The following COMMD1 variants were observed in gnomAD, a reference collection of about 807,000 sequenced individuals.
COMMD1 encodes the protein copper metabolism domain containing 1, also known as COMM domain-containing protein 1.
In COMMD1, 10 loss-of-function variants were observed where a neutral mutation model predicts 17.2. The ratio of observed to expected loss-of-function variants is 0.58; its 90% CI spans 0.36 to 0.99. COMMD1 has a LOEUF of 0.99. Among genes scored for constraint, COMMD1 ranks in the 50% least tolerant of loss-of-function variants. The pLI is 0.01. For synonymous variants in COMMD1, 97 were observed against 91.6 expected (o/e 1.06, Z -0.34); for missense variants, 270 against 231.8 (o/e 1.17, Z -1.07).
At chr2:61,997,918 T>C (rs900111851) in intron 1 of COMMD1, among the ~76,000 whole-genome samples, 2 of 152,258 alleles carry the variant, frequency 1.3e-5, no homozygotes, top group Non-Finnish European at 2.9e-5. Context: ...TTCATCTATA[T>C]TGAAAACCTT....
chr2:61,944,546 C>T (rs1213185546), intron 1 of COMMD1, among the ~76,000 whole-genome samples: 4 of 152,110 alleles, frequency 2.6e-5, no homozygotes, highest in Non-Finnish European at 5.9e-5. Flanking sequence ...CTTAGCTAAA[C>T]CAGCTAAGAC....
In COMMD1 at chr2:62,002,491, G is replaced by GAAAA. The variant is rs11310507; in HGVS notation, c.462+1539_462+1542dup. On this transcript the variant is annotated intron_variant, in intron 2 of 2. Coordinates refer to ENST00000311832, the MANE Select transcript of COMMD1 (RefSeq NM_152516.4). ...GGGTGACAAGAGCGAGATTCCACCA[G>GAAAA]AAAAAAAAAAAAAAAAAAAAAAAAA... 6.0e-3 allele frequency among the ~76,000 whole-genome samples: 209 copies of GAAAA among 35,098 alleles called. 10 individuals are homozygous for GAAAA. Among genetic ancestry groups the GAAAA allele is most frequent in the African/African-American group, 0.016 (163 of 10,416 alleles). 23.0% of individuals were successfully genotyped at this position (35,098 alleles called of 152,430 possible). A position where few individuals can be genotyped will look rare whatever the true frequency, so the allele number is the denominator to read the frequency against.
At chr2:62,040,713 C>A (rs1670165938) in intron 2 of COMMD1, among the ~76,000 whole-genome samples, 1 of 151,934 alleles carries the variant, frequency 6.6e-6, no homozygotes, top group African/African-American at 2.4e-5. Flanking sequence ...CCCCCTTCCC[C>A]CCTCCCTTTT....
At chr2:62,130,939 C>T (rs1157042969) in intron 2 of COMMD1, among the ~76,000 whole-genome samples, 1 of 152,110 alleles carries the variant, frequency 6.6e-6, no homozygotes, top group East Asian at 1.9e-4. Context: ...TGAGTTAAAG[C>T]TAAAGCATTA....
chr2:61,908,483 C>T (rs946288915), intron 1 of COMMD1, among the ~76,000 whole-genome samples: 1 of 152,112 alleles, frequency 6.6e-6, no homozygotes, highest in Non-Finnish European at 1.5e-5. Context: ...CCTCAGCCTC[C>T]CAAAGTGCTG....
At chr2:61,924,654 C>G (rs992365443) in intron 1 of COMMD1, among the ~76,000 whole-genome samples, 1 of 152,176 alleles carries the variant, frequency 6.6e-6, no homozygotes, top group Non-Finnish European at 1.5e-5. Context: ...TAAGGAATCT[C>G]AGACCATTTC....
intron 2 of COMMD1, among the ~76,000 whole-genome samples, chr2:62,029,338 A>G (rs1558568868): frequency 6.6e-6 from 1 of 152,100 alleles, no homozygotes; most frequent in Non-Finnish European, 1.5e-5. Flanking sequence ...TTAGATTCCA[A>G]TTTTGTCTTG....
In COMMD1 at chr2:62,022,742, A is replaced by G. The variant is rs75486480; in HGVS notation, c.462+21760A>G. ...AATGATAGATAAATGTAGAAATTGA[A>G]AAGACTTAGCCACATTAAGGAAAGA... On this transcript the variant is annotated intron_variant, in intron 2 of 2. Coordinates refer to ENST00000311832, the MANE Select transcript of COMMD1 (RefSeq NM_152516.4). 3.8e-4 allele frequency among the ~76,000 whole-genome samples: 58 copies of G among 152,270 alleles called. No individual in the cohort carries two copies. The East Asian group carries it at 0.011, about 29-fold the overall frequency.
intron 1 of COMMD1, among the ~76,000 whole-genome samples, chr2:61,975,415 G>A (rs1342794801): frequency 6.6e-6 from 1 of 152,088 alleles, no homozygotes; most frequent in African/African-American, 2.4e-5. Flanking sequence ...CATATGGCAA[G>A]AGTATGTTTA....
chr2:62,042,036 G>C (rs1670226105), intron 2 of COMMD1, among the ~76,000 whole-genome samples: 1 of 152,160 alleles, frequency 6.6e-6, no homozygotes, highest in Admixed American at 6.5e-5. Context: ...ACATCCTACT[G>C]ATTGGCCCAT....
intron 1 of COMMD1, among the ~76,000 whole-genome samples, chr2:61,934,459 A>G (rs550273243): frequency 2.0e-5 from 3 of 152,162 alleles, no homozygotes; most frequent in Admixed American, 1.3e-4. Context: ...GTGATGGCTC[A>G]TACCTGTGAT....
intron 2 of COMMD1, among the ~76,000 whole-genome samples, chr2:62,041,684 G>T (rs1048466559): frequency 6.6e-6 from 1 of 152,116 alleles, no homozygotes; most frequent in African/African-American, 2.4e-5. Flanking sequence ...GTGGGTTCTT[G>T]GTCTCGCTGA....
chr2:62,021,105 A>G (rs1175737353), intron 2 of COMMD1, among the ~76,000 whole-genome samples: 1 of 152,194 alleles, frequency 6.6e-6, no homozygotes, highest in Admixed American at 6.5e-5. Flanking sequence ...ACTCAGAGGC[A>G]TGATCTGGGA....
chr2:62,102,069 G>A lies in COMMD1; in HGVS notation c.463-33762G>A, dbSNP rs928119510. On this transcript the variant is annotated intron_variant, in intron 2 of 2. Coordinates refer to ENST00000311832, the MANE Select transcript of COMMD1 (RefSeq NM_152516.4). ...CCCAGCCACCACTCATCTCATTAGC[G>A]TACAAAAGACACTCTTATCATGAGA... 5.9e-5 allele frequency among the ~76,000 whole-genome samples: 9 copies of A among 152,076 alleles called. No homozygotes were observed. The East Asian group carries it at 7.7e-4, about 13-fold the overall frequency.
chr2:61,891,573 C>G (rs1408061297), intron 1 of COMMD1, among the ~76,000 whole-genome samples: 1 of 151,826 alleles, frequency 6.6e-6, no homozygotes, highest in African/African-American at 2.4e-5. Context: ...ACTAAAAATA[C>G]AAAAATTAGC....
At chr2:62,047,452 T>TTTTC (rs753470608) in intron 2 of COMMD1, among the ~76,000 whole-genome samples, 4 of 151,870 alleles carry the variant, frequency 2.6e-5, no homozygotes, top group Admixed American at 2.0e-4. Context: ...CTGCCCTTTC[T>TTTTC]TTTCTTTCTT....
intron 1 of COMMD1, among the ~76,000 whole-genome samples, chr2:61,999,313 A>T (rs1246772266): frequency 6.6e-6 from 1 of 152,230 alleles, no homozygotes; most frequent in African/African-American, 2.4e-5. Flanking sequence ...GGATGCTGGA[A>T]TAGAGAACCC....
chr2:62,007,744 A>G (rs1328658244), intron 2 of COMMD1, among the ~76,000 whole-genome samples: 2 of 152,190 alleles, frequency 1.3e-5, no homozygotes, highest in Admixed American at 6.5e-5. Flanking sequence ...AGTACACTCT[A>G]TCATGTTCAC....
intron 1 of COMMD1, among the ~76,000 whole-genome samples, chr2:61,935,188 G>T (rs1430016253): frequency 6.6e-6 from 1 of 152,186 alleles, no homozygotes; most frequent in Admixed American, 6.5e-5. Context: ...TCAGGAGGAT[G>T]GGAGAAAAAT....
Sources: allele counts gnomAD v4.1 joint callset (sites outside exome capture counted in the v4.1 genomes callset), GRCh38; gene constraint gnomAD v4.1.1; transcripts MANE v1.5; gene names NCBI Gene and HGNC (gene_info 2026-07-23, HGNC 2026-07-21).